Variants in LRP4 observed in about 807,000 individuals in gnomAD.
The protein encoded by LRP4 is LDL receptor related protein 4.
In LRP4, 95 loss-of-function variants were observed where a neutral mutation model predicts 220.3. That is an observed-to-expected ratio of 0.43 (90% CI 0.37 to 0.51). The LOEUF (loss-of-function observed/expected upper bound fraction) is 0.51. Among genes scored for constraint, LRP4 ranks in the 20% least tolerant of loss-of-function variants. The probability of loss-of-function intolerance (pLI) is 0.00; values close to 1 mark genes in which losing one functional copy is unlikely to be tolerated. For synonymous variants in LRP4, 903 were observed against 954.6 expected (o/e 0.95, Z 1.00); for missense variants, 1,925 against 2,567.0 (o/e 0.75, Z 5.40).
chr11:46,909,250 C>A (rs954230216), intron 1 of LRP4, among the ~76,000 whole-genome samples: 20 of 151,936 alleles, frequency 1.3e-4, no homozygotes, highest in Admixed American at 8.5e-4. Flanking sequence ...TAAGGAGTAC[C>A]CTGTGAGTGT....
At chr11:46,916,415 G>C (rs915279315) in intron 1 of LRP4, among the ~76,000 whole-genome samples, 2 of 152,062 alleles carry the variant, frequency 1.3e-5, no homozygotes, top group Non-Finnish European at 2.9e-5. Context: ...ATTCCAGCCT[G>C]GGCAACAGAG....
intron 18 of LRP4, among the ~76,000 whole-genome samples, chr11:46,884,491 G>T (rs7119536): frequency 0.95 from 143,683 of 151,800 alleles, 68,511 homozygotes; most frequent in East Asian, 1. Context: ...AATCCCAGCA[G>T]TTTGGGAGGC....
rs1253557298 is a variant in LRP4 at position 46,876,762 on chromosome 11, C to T, written c.3346G>A (p.Glu1116Lys). The change falls in exon 24 of 38, where the codon GAG becomes AAG. Residue 1116 changes from glutamate to lysine, a missense_variant. Transcript: ENST00000378623. ...GGCCCACCTGTGGTGATGATGTCCT[C>T]ATGCTGTGAGCCATCCAGATTGGCA... ...SRANLDGSQH[E>K]DIITTGLQTT... is the part of the protein sequence containing the mutation. The T allele has an allele frequency of 3.1e-6, 5 of 1,614,162 alleles. No individual in the cohort carries two copies. The highest frequency in any genetic ancestry group is 4.2e-6 in the Non-Finnish European group (5 of 1,180,034).
intron 34 of LRP4, among the ~76,000 whole-genome samples, chr11:46,865,678 G>A (rs2134768656): frequency 6.6e-6 from 1 of 152,298 alleles, no homozygotes; most frequent in East Asian, 1.9e-4. Flanking sequence ...ATGCTCAGAA[G>A]GTGACTTCTT....
Position 46,858,285 on chromosome 11 carries a change from C to T in LRP4, c.*698G>A, listed in dbSNP as rs971875659. ...ATCTGAATGTAGAAACAGCTCCAGA[C>T]ATTCTAGGAGGAGGAAGAACAGCCT... On this transcript the variant is annotated 3_prime_UTR_variant, in exon 38 of 38. Coordinates refer to ENST00000378623, the MANE Select transcript of LRP4 (RefSeq NM_002334.4). The T allele has an allele frequency of 6.4e-6, 1 of 156,096 alleles. No individual in the cohort carries two copies. The highest frequency in any genetic ancestry group is 1.4e-5 in the Non-Finnish European group (1 of 70,222). The allele number at this position is 156,096 out of a possible 1,614,324, so 9.7% of individuals were successfully genotyped here. A position where few individuals can be genotyped will look rare whatever the true frequency, so the allele number is the denominator to read the frequency against.
intron 1 of LRP4, among the ~76,000 whole-genome samples, chr11:46,904,170 TCTC>T (rs1194928118): frequency 2.0e-5 from 3 of 152,114 alleles, no homozygotes; most frequent in South Asian, 2.1e-4. Flanking sequence ...CTTCCTTTCT[TCTC>T]CTCTTCCTTC....
At chr11:46,900,791 T>A (rs1026000413) in intron 2 of LRP4, among the ~76,000 whole-genome samples, 8 of 125,084 alleles carry the variant, frequency 6.4e-5, no homozygotes, top group Non-Finnish European at 9.8e-5. Context: ...GCGCCTGGCC[T>A]TTTTTTTTTT....
At chr11:46,917,623 G>T (rs1354969283) in intron 1 of LRP4, among the ~76,000 whole-genome samples, 1 of 152,122 alleles carries the variant, frequency 6.6e-6, no homozygotes, top group Non-Finnish European at 1.5e-5. Flanking sequence ...ATCTGCGGGA[G>T]CCTTCCAGCA....
At position 46,896,236 on chromosome 11, in the gene LRP4, C is replaced by T. The variant is rs1941529103; in HGVS notation, c.1022G>A (p.Ser341Asn). 1.9e-6 allele frequency: 3 copies of T among 1,614,142 alleles called. No individual in the cohort carries two copies. The East Asian group carries it at 6.7e-5, about 36-fold the overall frequency. Residue 341 changes from serine (S) to asparagine (N), a missense_variant, in exon 9 of 38, where the codon AGC (serine) becomes AAC (asparagine). Physicochemically the swap from Ser to Asn is conservative, Grantham distance 46. Transcript: ENST00000378623. ...GCAATTCTGCTGTGGGCTTTCGTCG[C>T]TGTTGTCACCACAGTCGTTGACCCC... ...CNGVNDCGDN[S>N]DESPQQNCRP...
Position 46,899,073 on chromosome 11 carries a change from C to T in LRP4, c.548-41G>A. Reference sequence around the variant, plus strand: ...GGGTGGGGAGGGGCACACACTCAGGCCTGGATGAAGGAGAGGGGCCCTGAT... The same window carrying T: ...GGGTGGGGAGGGGCACACACTCAGGTCTGGATGAAGGAGAGGGGCCCTGAT... On this transcript the variant is annotated intron_variant, in intron 5 of 37. Coordinates refer to ENST00000378623, the MANE Select transcript of LRP4 (RefSeq NM_002334.4). The surrounding 1 kb of genome is among the most constrained non-coding windows in gnomAD (Gnocchi z 5.9). 1.3e-6 allele frequency: 2 copies of T among 1,591,700 alleles called. No individual in the cohort carries two copies. Among genetic ancestry groups the T allele is most frequent in the Non-Finnish European group, 1.7e-6 (2 of 1,165,304 alleles).
chr11:46,875,680 C>T lies in LRP4; in HGVS notation c.3701G>A (p.Arg1234Gln), dbSNP rs754092006. The change falls in exon 27 of 38, where the codon CGA becomes CAA. Residue 1234 changes from arginine to glutamine, a missense_variant and splice_region_variant. This residue lies in a region of LRP4 where 1,244 missense variants were observed against 1,624.9 expected (regional missense o/e 0.77). Transcript: ENST00000378623. The surrounding 1 kb of genome is among the most constrained non-coding windows in gnomAD (Gnocchi z 4.5). ...ACCATTCAGGTCAGCAGCCTCAATT[C>T]GCTGCAGAGGAAGGAGAGGGTGGGG... ...QLLWADAHTE[R>Q]IEAADLNGAN... 6.2e-5 allele frequency: 100 copies of T among 1,613,722 alleles called. No homozygotes were observed. Among genetic ancestry groups the T allele is most frequent in the Non-Finnish European group, 8.3e-5 (98 of 1,179,780 alleles).
chr11:46,881,970 T>A, intron 19 of LRP4, 67 bp from the exon 20 acceptor site: 1 of 1,512,962 alleles, frequency 6.6e-7, no homozygotes, highest in Non-Finnish European at 9.1e-7. Context: ...TCAGAGTACC[T>A]AGGATTTCAG....
chr11:46,916,187 C>A (rs1478664982), intron 1 of LRP4, among the ~76,000 whole-genome samples: 2 of 152,086 alleles, frequency 1.3e-5, no homozygotes, highest in African/African-American at 4.8e-5. Flanking sequence ...ACCTGTAATA[C>A]CAGCACTTTG....
intron 1 of LRP4, among the ~76,000 whole-genome samples, chr11:46,914,699 G>A (rs530729671): frequency 6.6e-6 from 1 of 152,324 alleles, no homozygotes; most frequent in Admixed American, 6.5e-5. Flanking sequence ...AAGGAATGTA[G>A]AGAGACCATG....
In LRP4 at chr11:46,865,131, G is replaced by A. The variant is rs1197029056; in HGVS notation, c.5143C>T (p.Pro1715Ser). The change falls in exon 35 of 38, where the codon CCT (proline) becomes TCT (serine). Residue 1715 changes from proline to serine, a missense_variant. Around this residue, in one of 3 missense-constraint regions of LRP4, gnomAD observed 1,244 missense variants for 1,624.9 expected, o/e 0.77. Coordinates refer to ENST00000378623, the MANE Select transcript of LRP4 (RefSeq NM_002334.4). Reference protein sequence around the residue: ...GLCARSNDAVPAAPGEGLHIS... With the variant: ...GLCARSNDAVSAAPGEGLHIS... ...ACTCAGGGCTTACCTGGAGCAGCAG[G>A]AACAGCGTCATTGGAACGTGCACAG... The A allele has an allele frequency of 9.0e-6, 14 of 1,562,794 alleles. No individual in the cohort carries two copies. Among genetic ancestry groups the A allele is most frequent in the Non-Finnish European group, 1.2e-5 (14 of 1,152,456 alleles).
chr11:46,859,263 A>T lies in LRP4; in HGVS notation c.5438T>A (p.Ile1813Asn), dbSNP rs991397044. Residue 1813 changes from isoleucine to asparagine, a missense_variant, in exon 38 of 38, where the codon ATC (isoleucine) becomes AAC (asparagine). Ile to Asn is a moderately radical substitution (Grantham distance 149). This residue lies in a region of LRP4 where 1,244 missense variants were observed against 1,624.9 expected (regional missense o/e 0.77). Coordinates refer to ENST00000378623, the MANE Select transcript of LRP4 (RefSeq NM_002334.4). ...TKEKIKIVEG[I>N]CLLSGDDAEW... ...AGCATCATCCCCAGACAGGAGGCAG[A>T]TTCCCTCTACGATCTTGATCTTCTC... is the stretch of plus-strand genomic sequence containing the variant. 4 of 1,613,978 alleles carry T rather than the reference A, an allele frequency of 2.5e-6. No individual in the cohort carries two copies. In the South Asian group the frequency reaches 4.4e-5, roughly 18 times the overall value.
chr11:46,865,039 T>A, intron 35 of LRP4, 80 bp downstream of exon 35: 1 of 1,222,676 alleles, frequency 8.2e-7, no homozygotes, highest in Admixed American at 2.0e-5. Context: ...AGAGTCCCAA[T>A]GAAGGTTATG....
At chr11:46,900,126 T>TC (rs1941636447) in intron 3 of LRP4, 136 bp downstream of exon 3, 2 of 959,976 alleles carry the variant, frequency 2.1e-6, no homozygotes, top group Non-Finnish European at 3.4e-6. Flanking sequence ...TTATCTGACT[T>TC]CGAGAGGAAG....
At chr11:46,896,108 C>T in intron 9 of LRP4, 90 bp from the exon 10 acceptor site, 9 of 1,611,424 alleles carry the variant, frequency 5.6e-6, no homozygotes, top group Non-Finnish European at 7.6e-6. Flanking sequence ...CAAAGAACAG[C>T]TCCCAAAGCT....
Sources: gnomAD v4.1 joint callset for allele counts (sites outside exome capture counted in the v4.1 genomes callset) on GRCh38, gnomAD v4.1.1 for gene constraint, gnomAD v4.1.1 regional missense constraint, Gnocchi (gnomAD v3.1) non-coding constraint, MANE v1.5 for transcripts, NCBI Gene and HGNC (gene_info 2026-07-23, HGNC 2026-07-21) for gene names.